Variants in CLEC5A observed in about 807,000 individuals in gnomAD.
CLEC5A encodes C-type lectin domain family 5 member A.
A neutral mutation model predicts 24.4 loss-of-function variants in CLEC5A; 15 were observed. The ratio of observed to expected loss-of-function variants is 0.62; its 90% CI spans 0.41 to 0.95. The LOEUF (loss-of-function observed/expected upper bound fraction) is 0.95. Ranked by LOEUF, CLEC5A falls within the 40% of genes least tolerant of loss-of-function variation. The probability of loss-of-function intolerance (pLI) is 0.00; values close to 1 mark genes in which losing one functional copy is unlikely to be tolerated. For synonymous variants in CLEC5A, 71 were observed against 72.6 expected (o/e 0.98, Z 0.11); for missense variants, 211 against 224.0 (o/e 0.94, Z 0.37).
Position 141,930,061 on chromosome 7 carries a change from CAA to C in CLEC5A, c.*41_*42del. On this transcript the variant is annotated 3_prime_UTR_variant, in exon 7 of 7. Coordinates refer to ENST00000546910, the MANE Select transcript of CLEC5A (RefSeq NM_013252.3). The stretch of plus-strand genomic sequence containing the variant: ...ATTGGCCAGACGACCTGTATGGATT[CAA>C]AAAGAGTTGCAAGTATAGTTCTTGT... The C allele has an allele frequency of 6.7e-7, 1 of 1,486,954 alleles. No homozygotes were observed. The highest frequency in any genetic ancestry group is 9.4e-7 in the Non-Finnish European group (1 of 1,067,732). 92.1% of individuals were successfully genotyped at this position (1,486,954 alleles called of 1,614,324 possible).
chr7:141,937,999 T>G (rs1802681029), intron 4 of CLEC5A, among the ~76,000 whole-genome samples: 1 of 152,178 alleles, frequency 6.6e-6, no homozygotes, highest in South Asian at 2.1e-4. Context: ...AGATAGAGCT[T>G]AGGTCACAGC....
chr7:141,941,353 T>G lies in CLEC5A; in HGVS notation c.208+2543A>C, dbSNP rs117892105. Among the ~76,000 whole-genome samples the G allele has an allele frequency of 3.4e-3, 514 of 152,162 alleles. 4 individuals are homozygous for G. The highest frequency in any genetic ancestry group is 5.7e-3 in the Non-Finnish European group (385 of 67,924). On this transcript the variant is annotated intron_variant, in intron 4 of 6. Coordinates refer to ENST00000546910, the MANE Select transcript of CLEC5A (RefSeq NM_013252.3). ...ATACGATCATTTCAATTGATGCTGA[T>G]AAATTATTTGATAAAAGTCAACATC...
At chr7:141,932,408 T>C (rs1802494454) in intron 5 of CLEC5A, among the ~76,000 whole-genome samples, 1 of 152,252 alleles carries the variant, frequency 6.6e-6, no homozygotes, top group Non-Finnish European at 1.5e-5. Context: ...ACACTAGTCC[T>C]AGACATCTTT....
Position 141,930,047 on chromosome 7 carries a change from G to T in CLEC5A, c.*57C>A. ...TAAGTAAAAGAATCATTGGCCAGACGACCTGTATGGATTCAAAAAGAGTTG... is the reference window on the plus strand; with the variant it reads ...TAAGTAAAAGAATCATTGGCCAGACTACCTGTATGGATTCAAAAAGAGTTG... On this transcript the variant is annotated 3_prime_UTR_variant, in exon 7 of 7. Coordinates refer to ENST00000546910, the MANE Select transcript of CLEC5A (RefSeq NM_013252.3). 2.2e-6 allele frequency: 3 copies of T among 1,345,016 alleles called. No homozygotes were observed. The South Asian group carries it at 3.6e-5, about 16-fold the overall frequency. The allele number at this position is 1,345,016 out of a possible 1,614,324, so 83.3% of individuals were successfully genotyped here. A position where few individuals can be genotyped will look rare whatever the true frequency, so the allele number is the denominator to read the frequency against.
At chr7:141,935,972 G>C in intron 4 of CLEC5A, 22 bp from the exon 5 acceptor site, 1 of 1,608,020 alleles carries the variant, frequency 6.2e-7, no homozygotes, top group Non-Finnish European at 8.5e-7. Context: ...CAAGAAAGGA[G>C]AGTACGAGTT....
At chr7:141,931,884 A>C in intron 5 of CLEC5A, 58 bp from the exon 6 acceptor site, 1 of 756,296 alleles carries the variant, frequency 1.3e-6, no homozygotes, top group South Asian at 1.7e-5. Flanking sequence ...CTCTTGAGCC[A>C]ATGTGCCCAT....
rs535824964 is a variant in CLEC5A at position 141,931,845 on chromosome 7, T to A, written c.346-19A>T. On this transcript the variant is annotated intron_variant, in intron 5 of 6. Coordinates refer to ENST00000546910, the MANE Select transcript of CLEC5A (RefSeq NM_013252.3). ...GAAACTTCTGGAAATAAAAAAAAAA[T>A]TTTACCAGTGAGTCTTTTAATGATG... 9.8e-5 allele frequency: 112 copies of A among 1,140,714 alleles called. No homozygotes were observed. Among genetic ancestry groups the A allele is most frequent in the East Asian group, 2.1e-4 (9 of 41,924 alleles). The allele number at this position is 1,140,714 out of a possible 1,614,324, so 70.7% of individuals were successfully genotyped here.
chr7:141,946,132 A>G, intron 2 of CLEC5A, 82 bp downstream of exon 2: 2 of 1,444,472 alleles, frequency 1.4e-6, no homozygotes, highest in South Asian at 2.5e-5. Flanking sequence ...TGTAACCTTT[A>G]CACACAACCA....
chr7:141,940,434 G>A (rs1802753804), intron 4 of CLEC5A, among the ~76,000 whole-genome samples: 1 of 151,120 alleles, frequency 6.6e-6, no homozygotes, highest in African/African-American at 2.4e-5. Flanking sequence ...TATTAAGACG[G>A]AAGTTTATAC....
intron 6 of CLEC5A, 72 bp from the exon 7 acceptor site, chr7:141,930,290 G>T: frequency 8.6e-7 from 1 of 1,156,678 alleles, no homozygotes; most frequent in Non-Finnish European, 1.3e-6. Context: ...CATCATTTTA[G>T]CCCAGCCTCT....
intron 4 of CLEC5A, among the ~76,000 whole-genome samples, chr7:141,941,828 A>G (rs1554441677): frequency 1.3e-5 from 2 of 152,128 alleles, no homozygotes; most frequent in Admixed American, 1.3e-4. Flanking sequence ...CCCATTTATA[A>G]TAGCTACAAA....
Position 141,930,042 on chromosome 7 carries a change from C to A in CLEC5A, c.*62G>T. The A allele has an allele frequency of 7.6e-7, 1 of 1,315,398 alleles. No individual in the cohort carries two copies. 81.5% of individuals were successfully genotyped at this position (1,315,398 alleles called of 1,614,324 possible). On this transcript the variant is annotated 3_prime_UTR_variant, in exon 7 of 7. Transcript: ENST00000546910. ...ATAGGTAAGTAAAAGAATCATTGGC[C>A]AGACGACCTGTATGGATTCAAAAAG...
intron 1 of CLEC5A, 62 bp from the exon 2 acceptor site, chr7:141,946,374 A>G (rs1802958392): frequency 3.5e-6 from 5 of 1,435,864 alleles, no homozygotes; most frequent in Admixed American, 4.0e-5. Context: ...TCACTAGGAC[A>G]TATCCCAGCC....
At chr7:141,943,244 A>C (rs566571524) in intron 4 of CLEC5A, among the ~76,000 whole-genome samples, 1 of 152,304 alleles carries the variant, frequency 6.6e-6, no homozygotes, top group South Asian at 2.1e-4. Flanking sequence ...GTTCAACCAT[A>C]AAAAAATCAG....
chr7:141,942,862 C>T (rs558497612), intron 4 of CLEC5A, among the ~76,000 whole-genome samples: 1 of 152,202 alleles, frequency 6.6e-6, no homozygotes, highest in East Asian at 1.9e-4. Flanking sequence ...AATTTCAAAT[C>T]AAAACTACCG....
chr7:141,931,944 C>T lies in CLEC5A; in HGVS notation c.346-118G>A, dbSNP rs1802481201. ...GGAAGGCCGGTAGAGAACTCTGGGA[C>T]CAGCTATAGCTGGGACTCACAACTA... is the stretch of plus-strand genomic sequence containing the variant. On this transcript the variant is annotated intron_variant, in intron 5 of 6. Coordinates refer to ENST00000546910, the MANE Select transcript of CLEC5A (RefSeq NM_013252.3). 1.2e-5 allele frequency: 7 copies of T among 565,462 alleles called. No homozygotes were observed. In the South Asian group the frequency reaches 1.4e-4, roughly 11 times the overall value. 35.0% of individuals were successfully genotyped at this position (565,462 alleles called of 1,614,324 possible).
Position 141,929,091 on chromosome 7 carries a change from C to G in CLEC5A, c.*1013G>C, listed in dbSNP as rs1207386614. 3.3e-5 allele frequency: 5 copies of G among 152,300 alleles called. No individual in the cohort carries two copies. The highest frequency in any genetic ancestry group is 9.6e-5 in the African/African-American group (4 of 41,524). 9.4% of individuals were successfully genotyped at this position (152,300 alleles called of 1,614,324 possible). The stretch of plus-strand genomic sequence containing the variant: ...CTTTTTACTATGTGCTTATTCCGTG[C>G]CCCCAGCCAATGTTTCCCTGAGCAG... On this transcript the variant is annotated 3_prime_UTR_variant, in exon 7 of 7. Coordinates refer to ENST00000546910, the MANE Select transcript of CLEC5A (RefSeq NM_013252.3).
intron 4 of CLEC5A, among the ~76,000 whole-genome samples, chr7:141,939,891 A>G (rs1278881596): frequency 1.3e-5 from 2 of 152,134 alleles, no homozygotes; most frequent in Non-Finnish European, 2.9e-5. Flanking sequence ...GAATATAACA[A>G]TATAAATATA....
At chr7:141,932,349 G>A (rs1333267148) in intron 5 of CLEC5A, among the ~76,000 whole-genome samples, 1 of 152,242 alleles carries the variant, frequency 6.6e-6, no homozygotes, top group East Asian at 1.9e-4. Context: ...TTTTAAAAGT[G>A]TAATCCAAGA....
Sources: allele counts gnomAD v4.1 joint callset (sites outside exome capture counted in the v4.1 genomes callset), GRCh38; gene constraint gnomAD v4.1.1; transcripts MANE v1.5; gene names NCBI Gene and HGNC (gene_info 2026-07-23, HGNC 2026-07-21).